CLOCK: variants seen among roughly 807,000 people sequenced by gnomAD.
CLOCK encodes the protein clock circadian regulator.
A neutral mutation model predicts 118.4 loss-of-function variants in CLOCK; 43 were observed. The observed-to-expected ratio is 0.36, with a 90% CI of 0.28 to 0.47. CLOCK has a LOEUF of 0.47. Ranked by LOEUF, CLOCK falls within the 20% of genes least tolerant of loss-of-function variation. The pLI, the probability that CLOCK is intolerant of heterozygous loss-of-function variation, is 1.00. For synonymous variants in CLOCK, 326 were observed against 339.2 expected (o/e 0.96, Z 0.43); for missense variants, 846 against 999.9 (o/e 0.85, Z 2.08).
chr4:55,498,754 C>T (rs35133040), intron 2 of CLOCK, among the ~76,000 whole-genome samples: 5,126 of 152,062 alleles, frequency 0.034, 104 homozygotes, highest in Non-Finnish European at 0.054. Context: ...CTTTGCATCA[C>T]GTAAGTAGGA....
At chr4:55,470,162 T>A (rs1337457324) in intron 8 of CLOCK, among the ~76,000 whole-genome samples, 4 of 152,214 alleles carry the variant, frequency 2.6e-5, no homozygotes, top group African/African-American at 9.6e-5. Context: ...CACATTCACT[T>A]ATCACTCACT....
At chr4:55,528,683 T>G (rs1434488165) in intron 1 of CLOCK, among the ~76,000 whole-genome samples, 2 of 152,216 alleles carry the variant, frequency 1.3e-5, no homozygotes, top group Admixed American at 6.5e-5. Flanking sequence ...ATGAAAGGAC[T>G]ACAGTGGAGG....
At chr4:55,502,598 A>G (rs1157032592) in intron 2 of CLOCK, among the ~76,000 whole-genome samples, 2 of 152,200 alleles carry the variant, frequency 1.3e-5, no homozygotes, top group Non-Finnish European at 2.9e-5. Flanking sequence ...AACATAGATA[A>G]CATCTTCTTG....
intron 1 of CLOCK, among the ~76,000 whole-genome samples, chr4:55,539,616 T>G (rs576209772): frequency 7.0e-6 from 1 of 143,660 alleles, no homozygotes; most frequent in Admixed American, 6.9e-5. Flanking sequence ...AATTGAGATA[T>G]TTTCAGAGAA....
intron 8 of CLOCK, among the ~76,000 whole-genome samples, chr4:55,464,284 A>G (rs536345326): frequency 2.0e-5 from 3 of 152,300 alleles, no homozygotes; most frequent in South Asian, 2.1e-4. Flanking sequence ...CCCATTGTAC[A>G]AAAGCCTTGT....
At chr4:55,455,777 T>C in intron 13 of CLOCK, 120 bp downstream of exon 13, 1 of 777,806 alleles carries the variant, frequency 1.3e-6, no homozygotes, top group East Asian at 2.6e-5. Context: ...GCAAAATCTT[T>C]TAGCATATTT....
At chr4:55,496,189 A>T (rs562722695) in intron 2 of CLOCK, among the ~76,000 whole-genome samples, 13 of 149,188 alleles carry the variant, frequency 8.7e-5, no homozygotes, top group Admixed American at 6.7e-5. Flanking sequence ...AGGTCGTCTC[A>T]AAAAAAAAAG....
At chr4:55,463,567 T>G in intron 9 of CLOCK, 118 bp downstream of exon 9, 1 of 875,122 alleles carries the variant, frequency 1.1e-6, no homozygotes, top group Non-Finnish European at 1.8e-6. Flanking sequence ...AAAAAGGACC[T>G]AATAGGGCAT....
At chr4:55,529,193 T>C (rs1250108052) in intron 1 of CLOCK, among the ~76,000 whole-genome samples, 2 of 152,184 alleles carry the variant, frequency 1.3e-5, no homozygotes, top group African/African-American at 2.4e-5. Flanking sequence ...CAGTCTTACT[T>C]TGTTGCCCAG....
intron 6 of CLOCK, 35 bp downstream of exon 6, chr4:55,478,778 TGA>T (rs754732750): frequency 6.3e-7 from 1 of 1,597,856 alleles, no homozygotes. Flanking sequence ...ACTAATGCTT[TGA>T]GAGTCTGTTC....
chr4:55,505,000 T>C (rs563831450), intron 2 of CLOCK, among the ~76,000 whole-genome samples: 1 of 151,940 alleles, frequency 6.6e-6, no homozygotes, highest in African/African-American at 2.4e-5. Context: ...CTGGCCAACA[T>C]AGTGAAACCC....
intron 8 of CLOCK, among the ~76,000 whole-genome samples, chr4:55,465,575 A>G (rs1170385932): frequency 1.3e-5 from 2 of 152,230 alleles, no homozygotes; most frequent in Non-Finnish European, 2.9e-5. Context: ...CTTAAGGGAT[A>G]ACCACACCAA....
In CLOCK at chr4:55,438,398, G is replaced by GT; in HGVS notation, c.2244dup (p.Gln749ThrfsTer42). 1 of 1,613,942 alleles carries GT rather than the reference G, an allele frequency of 6.2e-7. No homozygotes were observed. The highest frequency in any genetic ancestry group is 8.5e-7 in the Non-Finnish European group (1 of 1,179,994). On this transcript the variant is annotated frameshift_variant, in exon 22 of 23. Transcript: ENST00000513440. LOFTEE classifies it high-confidence loss of function. ...TGCTGCTGCGTTACTGACAATGTCTGTGACTGTTGCTGTTGTGTAGCAAAA... is the reference window on the plus strand; with the variant it reads ...TGCTGCTGCGTTACTGACAATGTCTGTTGACTGTTGCTGTTGTGTAGCAAAA...
At chr4:55,538,162 A>G (rs547845220) in intron 1 of CLOCK, among the ~76,000 whole-genome samples, 1 of 152,312 alleles carries the variant, frequency 6.6e-6, no homozygotes, top group African/African-American at 2.4e-5. Context: ...AAAGAACAAT[A>G]ATAGAGTATT....
intron 1 of CLOCK, among the ~76,000 whole-genome samples, chr4:55,539,232 CA>C (rs112876515): frequency 7.4e-6 from 1 of 134,446 alleles, no homozygotes; most frequent in South Asian, 2.6e-4. Context: ...GAGACTGTCT[CA>C]AAAAAACAAC....
chr4:55,463,075 G>A lies in CLOCK; in HGVS notation c.559+610C>T, dbSNP rs547479995. ...ATATATGAAGAAAATGAGGTACTCC[G>A]GTCAAATAAATTTGTCAATGGACCT... is the stretch of plus-strand genomic sequence containing the variant. On this transcript the variant is annotated intron_variant, in intron 9 of 22. Coordinates refer to ENST00000513440, the MANE Select transcript of CLOCK (RefSeq NM_004898.4). 3.9e-5 allele frequency among the ~76,000 whole-genome samples: 6 copies of A among 152,076 alleles called. No individual in the cohort carries two copies. In the East Asian group the frequency reaches 7.7e-4, roughly 20 times the overall value.
At chr4:55,478,130 C>T (rs1726646675) in intron 6 of CLOCK, among the ~76,000 whole-genome samples, 1 of 136,318 alleles carries the variant, frequency 7.3e-6, no homozygotes, top group Admixed American at 7.9e-5. Flanking sequence ...AAGGAAATTT[C>T]CTTTTACAGG....
chr4:55,458,963 G>C lies in CLOCK; in HGVS notation c.721C>G (p.His241Asp), dbSNP rs1470112676. ...NGFEGTIQRT[H>D]RPSYEDRVCF... is the part of the protein sequence containing the mutation. ...ACTCTATCTTCATAAGATGGCCTATGTGTGCGTTGTATAGTTCCTTCAAAA... is the reference window on the plus strand; with the variant it reads ...ACTCTATCTTCATAAGATGGCCTATCTGTGCGTTGTATAGTTCCTTCAAAA... Residue 241 changes from histidine to aspartate, a missense_variant, in exon 11 of 23, where the codon CAT (histidine) becomes GAT (aspartate). By Grantham distance (81) the His-to-Asp change is moderately conservative. Around this residue, in one of 4 missense-constraint regions of CLOCK, gnomAD observed 246 missense variants for 300.2 expected, o/e 0.82. Transcript: ENST00000513440. 6.2e-7 allele frequency: 1 copy of C among 1,613,944 alleles called. No individual in the cohort carries two copies.
chr4:55,508,836 C>T (rs942651875), intron 2 of CLOCK, among the ~76,000 whole-genome samples: 1 of 152,128 alleles, frequency 6.6e-6, no homozygotes, highest in African/African-American at 2.4e-5. Context: ...TCATAATCTG[C>T]CTGCCTCGGC....
Sources: gnomAD v4.1 joint callset for allele counts (sites outside exome capture counted in the v4.1 genomes callset) on GRCh38, gnomAD v4.1.1 for gene constraint, gnomAD v4.1.1 regional missense constraint, MANE v1.5 for transcripts, NCBI Gene and HGNC (gene_info 2026-07-23, HGNC 2026-07-21) for gene names.